Variants in PITPNM2 observed in about 807,000 individuals in gnomAD.
PITPNM2 encodes phosphatidylinositol transfer protein membrane associated 2.
Under a neutral mutation model 132.2 loss-of-function variants are expected in PITPNM2, and 35 were observed. That is an observed-to-expected ratio of 0.26 (90% CI 0.20 to 0.35). PITPNM2 has a LOEUF of 0.35. Ranked by LOEUF, PITPNM2 falls within the 10% of genes least tolerant of loss-of-function variation. PITPNM2 has a pLI of 1.00. For synonymous variants in PITPNM2, 738 were observed against 799.2 expected (o/e 0.92, Z 1.29); for missense variants, 1,332 against 1,912.0 (o/e 0.70, Z 5.66).
At chr12:123,141,360 C>T (rs929240834) in intron 1 of PITPNM2, among the ~76,000 whole-genome samples, 3 of 152,148 alleles carry the variant, frequency 2.0e-5, no homozygotes, top group African/African-American at 7.2e-5. Context: ...GGTGGGTAAG[C>T]GGGAAAGGCC....
rs746539438 is a variant in PITPNM2 at position 123,005,106 on chromosome 12, C to T, written c.952+134G>A. On this transcript the variant is annotated intron_variant, in intron 7 of 25. Transcript: ENST00000320201. This position sits in a 1 kb window ranked among gnomAD's most constrained non-coding sequence, Gnocchi z 6.2. ...TGTGTGCGAGGACTAGCCCAGGGCT[C>T]TGACTCCCTCTGGGCTTGGTGCCTC... 1 of 1,130,530 alleles carries T rather than the reference C, an allele frequency of 8.8e-7. No homozygotes were observed. Among genetic ancestry groups the T allele is most frequent in the Non-Finnish European group, 1.3e-6 (1 of 794,424 alleles). 70.0% of individuals were successfully genotyped at this position (1,130,530 alleles called of 1,614,324 possible).
intron 3 of PITPNM2, among the ~76,000 whole-genome samples, chr12:123,018,727 G>A (rs939115058): frequency 1.1e-4 from 17 of 151,070 alleles, no homozygotes; most frequent in African/African-American, 3.9e-4. Context: ...GGCATTACAG[G>A]CTGGTACAGG....
chr12:122,992,443 G>A lies in PITPNM2; in HGVS notation c.2404+56C>T. 1.3e-6 allele frequency: 2 copies of A among 1,545,796 alleles called. No individual in the cohort carries two copies. The highest frequency in any genetic ancestry group is 1.7e-6 in the Non-Finnish European group (2 of 1,145,592). ...GTAGCATGGAGGACCTAGGAGCCAG[G>A]GAGCCACGCTTACCCCACCTTCCCC... On this transcript the variant is annotated intron_variant, in intron 16 of 25. Coordinates refer to ENST00000320201, the MANE Select transcript of PITPNM2 (RefSeq NM_020845.3). The surrounding 1 kb of genome is among the most constrained non-coding windows in gnomAD (Gnocchi z 6.5).
chr12:123,037,603 C>G (rs520088), intron 2 of PITPNM2, among the ~76,000 whole-genome samples: 117,106 of 152,108 alleles, frequency 0.77, 45,248 homozygotes, highest in East Asian at 0.86. Context: ...AGAAACCTTA[C>G]GAGTCTAAGC....
chr12:123,074,111 G>A (rs1350616003), intron 2 of PITPNM2, among the ~76,000 whole-genome samples: 1 of 152,234 alleles, frequency 6.6e-6, no homozygotes, highest in Non-Finnish European at 1.5e-5. Flanking sequence ...AAAGAGCCAA[G>A]GATCCAAGTT....
rs1480137935 is a variant in PITPNM2 at position 123,005,933 on chromosome 12, ATAAAAAAAAAAAAAAT to A, written c.644-401_644-386del. On this transcript the variant is annotated intron_variant, in intron 6 of 25. Transcript: ENST00000320201. This position sits in a 1 kb window ranked among gnomAD's most constrained non-coding sequence, Gnocchi z 6.2. ...GGCAACGAAACAAGACCCTGTCTCT[ATAAAAAAAAAAAAAAT>A]TAAAAAAAAAAATTAGCTGAGCATG... 1 of 168,462 alleles carries A rather than the reference ATAAAAAAAAAAAAAAT, an allele frequency of 5.9e-6. No homozygotes were observed. The highest frequency in any genetic ancestry group is 1.5e-4 in the East Asian group (1 of 6,532). The allele number at this position is 168,462 out of a possible 1,614,324, so 10.4% of individuals were successfully genotyped here.
chr12:123,001,777 T>G (rs991618005), intron 8 of PITPNM2, among the ~76,000 whole-genome samples: 6 of 152,206 alleles, frequency 3.9e-5, no homozygotes, highest in Non-Finnish European at 5.9e-5. Context: ...ATGCCTGTAA[T>G]CCCAGCACTC....
Position 123,017,025 on chromosome 12 carries a change from G to A in PITPNM2, c.79-2983C>T, listed in dbSNP as rs546278371. On this transcript the variant is annotated intron_variant, in intron 3 of 25. Coordinates refer to ENST00000320201, the MANE Select transcript of PITPNM2 (RefSeq NM_020845.3). ...TGTGCCACTGCACTCCAGCCTGGGC[G>A]ACAGAGTGAGACTCCATCTCAAAAA... is the stretch of plus-strand genomic sequence containing the variant. Among the ~76,000 whole-genome samples the A allele has an allele frequency of 7.5e-5, 11 of 146,544 alleles. No individual in the cohort carries two copies. The South Asian group carries it at 1.1e-3, about 14-fold the overall frequency.
At position 122,987,691 on chromosome 12, in the gene PITPNM2, G is replaced by C. The variant is rs771876259; in HGVS notation, c.3115-32C>G. On this transcript the variant is annotated intron_variant, in intron 21 of 25. Coordinates refer to ENST00000320201, the MANE Select transcript of PITPNM2 (RefSeq NM_020845.3). The stretch of plus-strand genomic sequence containing the variant: ...CCAGCAGGCTGGTCACGGGCTGGCT[G>C]TGTCTGGCCTCTCCACCCCCTGCAC... 4 of 1,611,274 alleles carry C rather than the reference G, an allele frequency of 2.5e-6. No individual in the cohort carries two copies. In the South Asian group the frequency reaches 4.4e-5, roughly 18 times the overall value.
At position 123,013,986 on chromosome 12, in the gene PITPNM2, G is replaced by A. The variant is rs1337638740; in HGVS notation, c.135C>T (p.Asn45=). 1.2e-6 allele frequency: 2 copies of A among 1,614,278 alleles called. No individual in the cohort carries two copies. The highest frequency in any genetic ancestry group is 2.7e-5 in the African/African-American group (2 of 75,068). ...GEGSGVEILE[N]RPYTDGPGGS... is the part of the protein sequence containing the mutation. ...CGCCTGGGCCATCTGTGTACGGCCG[G>A]TTCTCCAGGATCTCCACGCCGCTGC... Residue 45 remains asparagine (N), a synonymous_variant, in exon 4 of 26, where the codon AAC becomes AAT. Coordinates refer to ENST00000320201, the MANE Select transcript of PITPNM2 (RefSeq NM_020845.3).
At chr12:122,999,426 G>C (rs963577063) in intron 10 of PITPNM2, among the ~76,000 whole-genome samples, 1 of 152,226 alleles carries the variant, frequency 6.6e-6, no homozygotes, top group Non-Finnish European at 1.5e-5. Context: ...GTTGGGCTTT[G>C]ACAAGGGCTT....
rs375713216 is a variant in PITPNM2, at chr12:123,004,520, A to G, written c.953-31T>C. On this transcript the variant is annotated intron_variant, in intron 7 of 25. Transcript: ENST00000320201. This position sits in a 1 kb window ranked among gnomAD's most constrained non-coding sequence, Gnocchi z 4.9. ...AGGCAAAACCCCAGATTGACCGCCA[A>G]CTGGAGAGGAAGGGCCCAGAGGCTG... 4.4e-6 allele frequency: 7 copies of G among 1,607,394 alleles called. No individual in the cohort carries two copies. Among genetic ancestry groups the G allele is most frequent in the Non-Finnish European group, 6.0e-6 (7 of 1,174,986 alleles).
At chr12:123,090,947 A>T (rs2042244520) in intron 2 of PITPNM2, 1 of 152,298 alleles carries the variant, frequency 6.6e-6, no homozygotes, top group African/African-American at 2.4e-5. Flanking sequence ...CACTGACCTG[A>T]GCCTCTTGTC....
intron 1 of PITPNM2, among the ~76,000 whole-genome samples, chr12:123,121,194 T>G (rs533619235): frequency 8.5e-4 from 129 of 152,286 alleles, no homozygotes; most frequent in African/African-American, 2.7e-3. Flanking sequence ...AGAACATGGC[T>G]AATGGGCCAA....
At chr12:123,104,370 GA>G (rs2042641599) in intron 2 of PITPNM2, among the ~76,000 whole-genome samples, 3 of 152,218 alleles carry the variant, frequency 2.0e-5, no homozygotes, top group Admixed American at 2.0e-4. Flanking sequence ...CAGACGGCCT[GA>G]AGTAACTGAA....
chr12:123,069,434 T>C (rs1026613305), intron 2 of PITPNM2, among the ~76,000 whole-genome samples: 4 of 152,044 alleles, frequency 2.6e-5, no homozygotes, highest in African/African-American at 7.2e-5. Flanking sequence ...ATGGAGAGAC[T>C]GGAGACAGGA....
chr12:123,085,825 C>A (rs1269842018), intron 2 of PITPNM2, among the ~76,000 whole-genome samples: 2 of 152,214 alleles, frequency 1.3e-5, no homozygotes. Flanking sequence ...TAAAGCACAG[C>A]GCAGAGGCTC....
chr12:123,030,855 C>T (rs2040064281), intron 3 of PITPNM2, among the ~76,000 whole-genome samples: 1 of 151,870 alleles, frequency 6.6e-6, no homozygotes, highest in African/African-American at 2.4e-5. Context: ...GGATGAATCC[C>T]AACAACATGA....
chr12:123,044,293 A>G (rs922953434), intron 2 of PITPNM2, among the ~76,000 whole-genome samples: 3 of 152,144 alleles, frequency 2.0e-5, no homozygotes, highest in Non-Finnish European at 4.4e-5. Context: ...CCTCCTACAT[A>G]AGAAGTGCCA....
Sources: allele counts gnomAD v4.1 joint callset (sites outside exome capture counted in the v4.1 genomes callset), GRCh38; gene constraint gnomAD v4.1.1; non-coding constraint Gnocchi (gnomAD v3.1); transcripts MANE v1.5; gene names NCBI Gene and HGNC (gene_info 2026-07-23, HGNC 2026-07-21).